Variants in PRDM7 observed in about 807,000 individuals in gnomAD.
PRDM7 encodes the protein histone-lysine N-methyltransferase PRDM7.
A neutral mutation model predicts 64.3 loss-of-function variants in PRDM7; 52 were observed. The observed-to-expected ratio is 0.81, with a 90% CI of 0.65 to 1.02. PRDM7 has a LOEUF of 1.02. Among genes scored for constraint, PRDM7 ranks in the 50% least tolerant of loss-of-function variants. The pLI, the probability that PRDM7 is intolerant of heterozygous loss-of-function variation, is 0.00. For synonymous variants in PRDM7, 192 were observed against 210.1 expected, an observed-to-expected ratio of 0.91 and a Z score of 0.74; for missense variants, 574 against 597.1, an observed-to-expected ratio of 0.96 and a Z score of 0.40.
At chr16:90,065,374 CAA>C (rs2037855611) in intron 5 of PRDM7, among the ~76,000 whole-genome samples, 1 of 63,630 alleles carries the variant, frequency 1.6e-5, no homozygotes, top group Admixed American at 2.2e-4. Flanking sequence ...GCCTGGGTAA[CAA>C]GAGTGAAACT....
In PRDM7 at chr16:90,068,634, CA is replaced by C. The variant is rs778285091; in HGVS notation, c.302-1725del. ...TGGATGACAGAGCGAGACTCCGTCTCAAAAAAAAAAAAAAAAAAGAAGTAAT... is the reference window on the plus strand; with the variant it reads ...TGGATGACAGAGCGAGACTCCGTCTCAAAAAAAAAAAAAAAAAGAAGTAAT... On this transcript the variant is annotated intron_variant, in intron 4 of 10. Coordinates refer to ENST00000449207, the MANE Select transcript of PRDM7 (RefSeq NM_001098173.2). 5.3e-3 allele frequency among the ~76,000 whole-genome samples: 491 copies of C among 93,252 alleles called. 8 individuals are homozygous for C. Among genetic ancestry groups the C allele is most frequent in the African/African-American group, 0.014 (262 of 19,364 alleles). 61.2% of individuals were successfully genotyped at this position (93,252 alleles called of 152,430 possible). A position where few individuals can be genotyped will look rare whatever the true frequency, so the allele number is the denominator to read the frequency against.
chr16:90,058,105 T>C lies in PRDM7; in HGVS notation c.*184A>G. ...GAAACCTTGCCCACACTCTCCATAT[T>C]TGACTTTCGCAATTCTTGAGATTCC... On this transcript the variant is annotated 3_prime_UTR_variant, in exon 11 of 11. Coordinates refer to ENST00000449207, the MANE Select transcript of PRDM7 (RefSeq NM_001098173.2). 3 of 1,614,096 alleles carry C rather than the reference T, an allele frequency of 1.9e-6. No individual in the cohort carries two copies. The South Asian group carries it at 3.3e-5, about 18-fold the overall frequency.
Position 90,066,914 on chromosome 16 carries a change from A to C in PRDM7, c.302-4T>G, listed in dbSNP as rs1245094164. ...AAGGCCATCCAAGGAGGTTTGACTA[A>C]GAGGTGATGAGAAATCAGTGGTTTG... is the stretch of plus-strand genomic sequence containing the variant. On this transcript the variant is annotated splice_polypyrimidine_tract_variant and splice_region_variant and intron_variant, in intron 4 of 10. Coordinates refer to ENST00000449207, the MANE Select transcript of PRDM7 (RefSeq NM_001098173.2). 1 of 1,590,652 alleles carries C rather than the reference A, an allele frequency of 6.3e-7. No individual in the cohort carries two copies. The highest frequency in any genetic ancestry group is 1.4e-5 in the African/African-American group (1 of 72,860).
At chr16:90,070,255 A>G (rs1305936681) in intron 4 of PRDM7, among the ~76,000 whole-genome samples, 1 of 150,820 alleles carries the variant, frequency 6.6e-6, no homozygotes, top group Non-Finnish European at 1.5e-5. Context: ...CTGGTAGGTA[A>G]TTAGGGCTAG....
At chr16:90,060,737 T>G (rs2037761843) in intron 9 of PRDM7, 114 bp from the exon 10 acceptor site, 2 of 1,484,180 alleles carry the variant, frequency 1.3e-6, no homozygotes, top group Non-Finnish European at 1.9e-6. Context: ...ATCAGCCATT[T>G]TTTCAAAGCC....
intron 4 of PRDM7, among the ~76,000 whole-genome samples, chr16:90,069,819 C>G (rs536792177): frequency 6.6e-6 from 1 of 150,434 alleles, no homozygotes; most frequent in Non-Finnish European, 1.5e-5. Context: ...TTTGGGAGGC[C>G]GAGGCAGATG....
chr16:90,061,370 G>C (rs1014884129), intron 9 of PRDM7, 82 bp downstream of exon 9: 26 of 1,379,536 alleles, frequency 1.9e-5, no homozygotes, highest in Middle Eastern at 3.6e-4. Flanking sequence ...AATCATTGAG[G>C]GAGGCATAAT....
chr16:90,065,963 C>A (rs2037867238), intron 5 of PRDM7, among the ~76,000 whole-genome samples: 1 of 151,138 alleles, frequency 6.6e-6, no homozygotes, highest in Non-Finnish European at 1.5e-5. Context: ...AGGGACTAGA[C>A]TCCTGAAGAG....
At chr16:90,076,138 G>A in intron 1 of PRDM7, 143 bp from the exon 2 acceptor site, 1 of 574,142 alleles carries the variant, frequency 1.7e-6, no homozygotes, top group Non-Finnish European at 3.1e-6. Flanking sequence ...GGGAGGTCTG[G>A]GGGTACTGAT....
At chr16:90,067,267 A>G (rs2037890404) in intron 4 of PRDM7, among the ~76,000 whole-genome samples, 1 of 151,164 alleles carries the variant, frequency 6.6e-6, no homozygotes, top group Admixed American at 6.6e-5. Context: ...TGCTTGGCCT[A>G]ACTCTGGAGT....
In PRDM7 at chr16:90,057,176, G is replaced by C. The variant is rs912670137; in HGVS notation, c.*1113C>G. The C allele has an allele frequency of 6.5e-6, 1 of 154,192 alleles. No homozygotes were observed. The highest frequency in any genetic ancestry group is 1.4e-5 in the Non-Finnish European group (1 of 69,552). The allele number at this position is 154,192 out of a possible 1,614,324, so 9.6% of individuals were successfully genotyped here. A position where few individuals can be genotyped will look rare whatever the true frequency, so the allele number is the denominator to read the frequency against. The stretch of plus-strand genomic sequence containing the variant: ...CATATATACACACATGCGTGTTCCT[G>C]TCTGGCGTTCACTTCTGGGGCTACA... On this transcript the variant is annotated 3_prime_UTR_variant, in exon 11 of 11. Coordinates refer to ENST00000449207, the MANE Select transcript of PRDM7 (RefSeq NM_001098173.2).
At position 90,075,780 on chromosome 16, in the gene PRDM7, T is replaced by C. The variant is rs2038027867; in HGVS notation, c.69+62A>G. On this transcript the variant is annotated intron_variant, in intron 2 of 10. Transcript: ENST00000449207. The surrounding 1 kb of genome is among the most constrained non-coding windows in gnomAD (Gnocchi z 4.3). ...GTCACCCAAGGGTACAGGCCAGGAG[T>C]CTGCAGCACTCCAGAGATCAGCTCC... The C allele has an allele frequency of 6.4e-7, 1 of 1,569,210 alleles. No individual in the cohort carries two copies.
Position 90,062,104 on chromosome 16 carries a change from C to G in PRDM7, c.699G>C (p.Gly233=). 1 of 1,614,246 alleles carries G rather than the reference C, an allele frequency of 6.2e-7. No homozygotes were observed. Among genetic ancestry groups the G allele is most frequent in the Non-Finnish European group, 8.5e-7 (1 of 1,180,042 alleles). ...GACTGAGGGCTGAACGGTTGGGATG[C>G]CCCTTGTCCACTGCACTGTCCTTTA... The part of the protein sequence containing the change: ...TFVKDSAVDK[G]HPNRSALSLP... Residue 233 remains glycine, a synonymous_variant, in exon 8 of 11, where the codon GGG becomes GGC. Coordinates refer to ENST00000449207, the MANE Select transcript of PRDM7 (RefSeq NM_001098173.2).
Position 90,075,770 on chromosome 16 carries a change from A to G in PRDM7, c.69+72T>C, listed in dbSNP as rs534521863. On this transcript the variant is annotated intron_variant, in intron 2 of 10. Transcript: ENST00000449207. The surrounding 1 kb of genome is among the most constrained non-coding windows in gnomAD (Gnocchi z 4.3). ...TTCAGACAGAGTCACCCAAGGGTACAGGCCAGGAGTCTGCAGCACTCCAGA... is the reference window on the plus strand; with the variant it reads ...TTCAGACAGAGTCACCCAAGGGTACGGGCCAGGAGTCTGCAGCACTCCAGA... 6 of 1,548,384 alleles carry G rather than the reference A, an allele frequency of 3.9e-6. No homozygotes were observed. In the African/African-American group the frequency reaches 4.1e-5, roughly 11 times the overall value.
rs534273195 is a variant in PRDM7 at position 90,075,510 on chromosome 16, A to G, written c.70-36T>C. ...TAACAGATTCCATCAGTGATTTACT[A>G]ATACACATCGAGCTGGTCCTTTTCC... On this transcript the variant is annotated intron_variant, in intron 2 of 10. Transcript: ENST00000449207. This position sits in a 1 kb window ranked among gnomAD's most constrained non-coding sequence, Gnocchi z 4.3. 74 of 1,614,174 alleles carry G rather than the reference A, an allele frequency of 4.6e-5. No homozygotes were observed. The African/African-American group carries it at 7.6e-4, about 17-fold the overall frequency.
rs538391963 is a variant in PRDM7 at position 90,058,246 on chromosome 16, C to A, written c.*43G>T. On this transcript the variant is annotated 3_prime_UTR_variant, in exon 11 of 11. Coordinates refer to ENST00000449207, the MANE Select transcript of PRDM7 (RefSeq NM_001098173.2). ...GCTCCCCATTTGTCCTTTGGGTGGG[C>A]TAGAAAAGGCCCTTGAAATCTCCCT... The A allele has an allele frequency of 9.9e-6, 16 of 1,614,110 alleles. No individual in the cohort carries two copies. The East Asian group carries it at 3.6e-4, about 36-fold the overall frequency.
rs1436913599 is a variant in PRDM7 at position 90,057,929 on chromosome 16, T to C, written c.*360A>G. 6.3e-7 allele frequency: 1 copy of C among 1,583,610 alleles called. No individual in the cohort carries two copies. Among genetic ancestry groups the C allele is most frequent in the Non-Finnish European group, 8.6e-7 (1 of 1,159,564 alleles). On this transcript the variant is annotated 3_prime_UTR_variant, in exon 11 of 11. Coordinates refer to ENST00000449207, the MANE Select transcript of PRDM7 (RefSeq NM_001098173.2). ...CTTCCGGCTAAAGCCCCGCTCACACTCTCTGCAGACATAAGGCTTCTCCCC... is the reference window on the plus strand; with the variant it reads ...CTTCCGGCTAAAGCCCCGCTCACACCCTCTGCAGACATAAGGCTTCTCCCC...
chr16:90,074,283 GTCATCATCATCATCATCATCA>G (rs59691191), intron 4 of PRDM7, among the ~76,000 whole-genome samples: 3 of 147,858 alleles, frequency 2.0e-5, no homozygotes, highest in Non-Finnish European at 4.5e-5. Flanking sequence ...AATCATCATC[GTCATCATCATCATCATCATCA>G]TCATCATCAT....
chr16:90,061,777 C>T lies in PRDM7; in HGVS notation c.882+144G>A, dbSNP rs1207659118. On this transcript the variant is annotated intron_variant, in intron 8 of 10. Transcript: ENST00000449207. ...ACCCTGTGATCTCTAAATAGGAGTT[C>T]CATGTTCATGCAAAGACCCTTGAGT... 1.4e-5 allele frequency: 19 copies of T among 1,363,790 alleles called. No individual in the cohort carries two copies. The East Asian group carries it at 2.8e-4, about 20-fold the overall frequency. 84.5% of individuals were successfully genotyped at this position (1,363,790 alleles called of 1,614,324 possible). A position where few individuals can be genotyped will look rare whatever the true frequency, so the allele number is the denominator to read the frequency against.
Sources: allele counts gnomAD v4.1 joint callset (sites outside exome capture counted in the v4.1 genomes callset), GRCh38; gene constraint gnomAD v4.1.1; non-coding constraint Gnocchi (gnomAD v3.1); transcripts MANE v1.5; gene names NCBI Gene and HGNC (gene_info 2026-07-23, HGNC 2026-07-21).